PIK3CA: variants seen among roughly 807,000 people sequenced by gnomAD.
PIK3CA encodes phosphatidylinositol 4,5-bisphosphate 3-kinase catalytic subunit alpha isoform.
PIK3CA carries 27 observed loss-of-function variants against 138.2 expected under a neutral mutation model. The observed-to-expected ratio is 0.20, with a 90% CI of 0.14 to 0.27. PIK3CA has a LOEUF of 0.27. PIK3CA is among the 10% of genes least tolerant of loss of function. PIK3CA has a pLI of 1.00. For synonymous variants in PIK3CA, 358 were observed against 413.2 expected (o/e 0.87, Z 1.62); for missense variants, 544 against 1,277.4 (o/e 0.43, Z 8.75).
At chr3:179,193,142 G>T (rs1724178566) in intron 1 of PIK3CA, among the ~76,000 whole-genome samples, 1 of 152,176 alleles carries the variant, frequency 6.6e-6, no homozygotes, top group African/African-American at 2.4e-5. Context: ...GTTAACACAG[G>T]TTCAGGCCTT....
intron 9 of PIK3CA, 52 bp downstream of exon 9, chr3:179,210,617 G>C (rs2108401939): frequency 1.3e-6 from 2 of 1,550,634 alleles, no homozygotes; most frequent in Non-Finnish European, 1.8e-6. Context: ...TGTGGATTTA[G>C]GTAGATACTT....
In PIK3CA at chr3:179,203,141, C is replaced by T. The variant is rs796146320; in HGVS notation, c.814-403C>T. ...ATTTTTAGTAGAGACGGGGTTTCAC[C>T]GTTTTAGCCAGGATGGTCTCGATCT... is the stretch of plus-strand genomic sequence containing the variant. On this transcript the variant is annotated intron_variant, in intron 4 of 20. Coordinates refer to ENST00000263967, the MANE Select transcript of PIK3CA (RefSeq NM_006218.4). Among the ~76,000 whole-genome samples the T allele has an allele frequency of 1.4e-3, 207 of 151,808 alleles. 3 individuals carry two copies. Among genetic ancestry groups the T allele is most frequent in the African/African-American group, 4.5e-3 (185 of 41,424 alleles).
intron 4 of PIK3CA, 38 bp from the exon 5 acceptor site, chr3:179,203,505 AC>A (rs1240709857): frequency 1.3e-6 from 2 of 1,563,776 alleles, no homozygotes; most frequent in African/African-American, 1.4e-5. Flanking sequence ...AAAATGAAAA[AC>A]CTTACAGGAA....
intron 20 of PIK3CA, among the ~76,000 whole-genome samples, chr3:179,232,473 T>C (rs911236536): frequency 6.6e-6 from 1 of 152,204 alleles, no homozygotes; most frequent in East Asian, 1.9e-4. Flanking sequence ...GTGTGTCTGC[T>C]TTTGTGTGTA....
chr3:179,166,013 C>T (rs1244606364), intron 1 of PIK3CA, among the ~76,000 whole-genome samples: 1 of 151,964 alleles, frequency 6.6e-6, no homozygotes, highest in Non-Finnish European at 1.5e-5. Context: ...CTTTTCATAC[C>T]TTCCTCACTA....
rs912627644 is a variant in PIK3CA, at chr3:179,190,831, G to A, written c.-76-7919G>A. On this transcript the variant is annotated intron_variant, in intron 1 of 20. Transcript: ENST00000263967. ...TATGAGACTCAGATAAGGGCCAGAC[G>A]GCTGAAGCTTAAATAGTACTTTTAG... is the stretch of plus-strand genomic sequence containing the variant. 2.6e-5 allele frequency among the ~76,000 whole-genome samples: 4 copies of A among 152,122 alleles called. No homozygotes were observed. The East Asian group carries it at 5.8e-4, about 22-fold the overall frequency.
intron 14 of PIK3CA, among the ~76,000 whole-genome samples, chr3:179,223,194 G>A (rs145205481): frequency 1.2e-3 from 181 of 152,294 alleles, no homozygotes; most frequent in African/African-American, 3.9e-3. Flanking sequence ...GTGATGATTA[G>A]ATTTTCTAAC....
At chr3:179,159,407 T>G (rs911123734) in intron 1 of PIK3CA, among the ~76,000 whole-genome samples, 7 of 152,192 alleles carry the variant, frequency 4.6e-5, no homozygotes, top group African/African-American at 1.7e-4. Context: ...GAAGTTTTCT[T>G]GATTTTTCTA....
chr3:179,155,752 G>A (rs1486994876), intron 1 of PIK3CA, among the ~76,000 whole-genome samples: 1 of 152,122 alleles, frequency 6.6e-6, no homozygotes, highest in East Asian at 1.9e-4. Flanking sequence ...TAGATACCAA[G>A]GGATAACTGT....
At chr3:179,184,189 G>A (rs1187911602) in intron 1 of PIK3CA, among the ~76,000 whole-genome samples, 1 of 152,188 alleles carries the variant, frequency 6.6e-6, no homozygotes, top group Non-Finnish European at 1.5e-5. Flanking sequence ...AAAGCAAATT[G>A]GTGGAGTCCA....
chr3:179,203,490 C>G, intron 4 of PIK3CA, 54 bp from the exon 5 acceptor site: 1 of 1,535,532 alleles, frequency 6.5e-7, no homozygotes, highest in Non-Finnish European at 8.8e-7. Flanking sequence ...TGACATGTTA[C>G]TTTTAAAATG....
At chr3:179,151,697 C>T (rs1723017984) in intron 1 of PIK3CA, among the ~76,000 whole-genome samples, 3 of 152,312 alleles carry the variant, frequency 2.0e-5, no homozygotes, top group African/African-American at 7.2e-5. Context: ...ATTTCTCCTC[C>T]CTACTCCTGC....
At chr3:179,204,408 CA>C (rs1724501750) in intron 5 of PIK3CA, 94 bp from the exon 6 acceptor site, 6 of 582,752 alleles carry the variant, frequency 1.0e-5, no homozygotes, top group Non-Finnish European at 1.6e-5. Context: ...TATATCTGAA[CA>C]AAAATTCCGT....
rs1482411082 is a variant in PIK3CA, at chr3:179,236,043, T to C, written c.*1679T>C. On this transcript the variant is annotated 3_prime_UTR_variant, in exon 21 of 21. Coordinates refer to ENST00000263967, the MANE Select transcript of PIK3CA (RefSeq NM_006218.4). ...TAGGCATATTATTGGAAAACAACTT[T>C]ATAAAGAGTGAACATTGTATACTCT... 4.8e-6 allele frequency: 1 copy of C among 206,846 alleles called. No homozygotes were observed. Among genetic ancestry groups the C allele is most frequent in the Non-Finnish European group, 9.9e-6 (1 of 101,366 alleles). The allele number at this position is 206,846 out of a possible 1,614,324, so 12.8% of individuals were successfully genotyped here.
At chr3:179,191,913 C>T (rs1387979763) in intron 1 of PIK3CA, among the ~76,000 whole-genome samples, 1 of 152,196 alleles carries the variant, frequency 6.6e-6, no homozygotes, top group Non-Finnish European at 1.5e-5. Context: ...GCTAGGATTA[C>T]AGGCATGAGC....
rs1725187101 is a variant in PIK3CA, at chr3:179,230,563, G to C, written c.2936+187G>C. Among the ~76,000 whole-genome samples the C allele has an allele frequency of 6.6e-6, 1 of 152,080 alleles. No individual in the cohort carries two copies. Among genetic ancestry groups the C allele is most frequent in the Non-Finnish European group, 1.5e-5 (1 of 68,002 alleles). ...TGAGCTCAGGAATTGAAACCAGCCT[G>C]GGTAACATAGAGAGAATTCATGTCT... is the stretch of plus-strand genomic sequence containing the variant. On this transcript the variant is annotated intron_variant, in intron 20 of 20. Transcript: ENST00000263967. The surrounding 1 kb of genome is among the most constrained non-coding windows in gnomAD (Gnocchi z 5.4).
In PIK3CA at chr3:179,230,590, CA is replaced by C. The variant is rs1281394424; in HGVS notation, c.2936+221del. On this transcript the variant is annotated intron_variant, in intron 20 of 20. Transcript: ENST00000263967. The surrounding 1 kb of genome is among the most constrained non-coding windows in gnomAD (Gnocchi z 5.4). Reference sequence around the variant, plus strand: ...GTAACATAGAGAGAATTCATGTCTACAAAAAAATTTAAAAAGTAGCCAGGCG... The same window carrying C: ...GTAACATAGAGAGAATTCATGTCTACAAAAAATTTAAAAAGTAGCCAGGCG... Among the ~76,000 whole-genome samples, 1 of 151,898 alleles carries C rather than the reference CA, an allele frequency of 6.6e-6. No homozygotes were observed. Among genetic ancestry groups the C allele is most frequent in the South Asian group, 2.1e-4 (1 of 4,822 alleles).
intron 1 of PIK3CA, among the ~76,000 whole-genome samples, chr3:179,196,966 A>G (rs1436207019): frequency 6.6e-6 from 1 of 152,146 alleles, no homozygotes; most frequent in Non-Finnish European, 1.5e-5. Flanking sequence ...TTGGTGTGAG[A>G]TGGAGAGAGG....
chr3:179,239,892 AT>A lies in PIK3CA; in HGVS notation c.*5529del, dbSNP rs1198669175. ...GAAAGCATTTGACACAGCAAGATGC[AT>A]GTGTTACTATATTGAGAATATAGAA... On this transcript the variant is annotated 3_prime_UTR_variant, in exon 21 of 21. Coordinates refer to ENST00000263967, the MANE Select transcript of PIK3CA (RefSeq NM_006218.4). The A allele has an allele frequency of 1.0e-5, 7 of 673,782 alleles. No homozygotes were observed. Among genetic ancestry groups the A allele is most frequent in the Non-Finnish European group, 1.7e-5 (7 of 401,774 alleles). The allele number at this position is 673,782 out of a possible 1,614,324, so 41.7% of individuals were successfully genotyped here.
Sources: gnomAD v4.1 joint callset for allele counts (sites outside exome capture counted in the v4.1 genomes callset) on GRCh38, gnomAD v4.1.1 for gene constraint, Gnocchi (gnomAD v3.1) non-coding constraint, MANE v1.5 for transcripts, NCBI Gene and HGNC (gene_info 2026-07-23, HGNC 2026-07-21) for gene names.